TAF3: variants seen among roughly 807,000 people sequenced by gnomAD.
TAF3 encodes the protein transcription initiation factor TFIID subunit 3.
A neutral mutation model predicts 80.6 loss-of-function variants in TAF3; 7 were observed. The ratio of observed to expected loss-of-function variants is 0.09; its 90% CI spans 0.05 to 0.16. The LOEUF (loss-of-function observed/expected upper bound fraction) is 0.16, where lower values mean the gene tolerates loss of function less well. Ranked by LOEUF, TAF3 falls within the 10% of genes least tolerant of loss-of-function variation. The probability of loss-of-function intolerance (pLI) is 1.00; values close to 1 mark genes in which losing one functional copy is unlikely to be tolerated. For synonymous variants in TAF3, 444 were observed against 446.1 expected (o/e 1.00, Z 0.06); for missense variants, 921 against 1,140.2 (o/e 0.81, Z 2.77).
intron 2 of TAF3, among the ~76,000 whole-genome samples, chr10:7,960,671 G>A (rs1838181356): frequency 6.6e-6 from 1 of 152,210 alleles, no homozygotes; most frequent in African/African-American, 2.4e-5. Flanking sequence ...TGTGAATGAT[G>A]AGGTTACTTC....
intron 2 of TAF3, among the ~76,000 whole-genome samples, chr10:7,938,588 A>T (rs1371121666): frequency 6.6e-6 from 1 of 152,234 alleles, no homozygotes; most frequent in Non-Finnish European, 1.5e-5. Context: ...CTCCTTTAAC[A>T]GAGAAATAAT....
chr10:7,893,098 G>C (rs1170457636), intron 2 of TAF3, among the ~76,000 whole-genome samples: 1 of 151,992 alleles, frequency 6.6e-6, no homozygotes, highest in Non-Finnish European at 1.5e-5. Context: ...GGGATTATAG[G>C]CGTGAGCCAC....
intron 2 of TAF3, among the ~76,000 whole-genome samples, chr10:7,828,256 A>T (rs1211924792): frequency 6.6e-6 from 1 of 152,120 alleles, no homozygotes; most frequent in Non-Finnish European, 1.5e-5. Context: ...AAAAAAAGAG[A>T]CGAATCAATG....
At chr10:7,960,256 G>C (rs1417429842) in intron 2 of TAF3, among the ~76,000 whole-genome samples, 1 of 152,180 alleles carries the variant, frequency 6.6e-6, no homozygotes, top group Non-Finnish European at 1.5e-5. Context: ...ATGTTTATCT[G>C]TTGGCAGTTG....
At chr10:7,885,466 A>G (rs1019733399) in intron 2 of TAF3, among the ~76,000 whole-genome samples, 1 of 152,168 alleles carries the variant, frequency 6.6e-6, no homozygotes, top group East Asian at 1.9e-4. Flanking sequence ...CAAAAAAGGT[A>G]TATTCAGAGA....
At chr10:7,978,124 C>A (rs147892856) in intron 4 of TAF3, among the ~76,000 whole-genome samples, 21 of 152,060 alleles carry the variant, frequency 1.4e-4, no homozygotes, top group Admixed American at 8.5e-4. Flanking sequence ...AATTCTACAA[C>A]CTTACTTTTC....
chr10:7,959,947 C>G (rs1838173327), intron 2 of TAF3, among the ~76,000 whole-genome samples: 1 of 152,202 alleles, frequency 6.6e-6, no homozygotes, highest in South Asian at 2.1e-4. Context: ...TGGAGTAGAG[C>G]AGTTTCCCTC....
chr10:8,005,524 A>G (rs966348317), intron 4 of TAF3, among the ~76,000 whole-genome samples: 9 of 152,158 alleles, frequency 5.9e-5, no homozygotes, highest in African/African-American at 1.2e-4. Context: ...AGGGAGTTCT[A>G]TTACACCTTC....
At chr10:7,865,344 T>C (rs1353962683) in intron 2 of TAF3, among the ~76,000 whole-genome samples, 1 of 151,994 alleles carries the variant, frequency 6.6e-6, no homozygotes, top group Non-Finnish European at 1.5e-5. Flanking sequence ...CCAGGTATGG[T>C]GGCGGGCGCC....
intron 2 of TAF3, among the ~76,000 whole-genome samples, chr10:7,929,240 G>A (rs1436987914): frequency 7.2e-6 from 1 of 139,348 alleles, no homozygotes; most frequent in African/African-American, 2.5e-5. Context: ...ATTGAGAGAA[G>A]TAGTTTATTT....
chr10:7,935,260 G>GAGAGAGACAACGTCT (rs1431409419), intron 2 of TAF3, among the ~76,000 whole-genome samples: 1 of 150,332 alleles, frequency 6.7e-6, no homozygotes, highest in Non-Finnish European at 1.5e-5. Context: ...CTGGGCAACA[G>GAGAGAGACAACGTCT]CAAAACTCTG....
At chr10:7,873,627 C>T (rs1033128505) in intron 2 of TAF3, among the ~76,000 whole-genome samples, 1 of 148,948 alleles carries the variant, frequency 6.7e-6, no homozygotes, top group Non-Finnish European at 1.5e-5. Flanking sequence ...TCCCCCCCCC[C>T]CCGTCAAAAG....
intron 2 of TAF3, among the ~76,000 whole-genome samples, chr10:7,829,838 A>G (rs1202410061): frequency 6.6e-6 from 1 of 152,116 alleles, no homozygotes; most frequent in African/African-American, 2.4e-5. Context: ...TTGAAGGTGG[A>G]ATATCTGCAT....
In TAF3 at chr10:7,964,810, C is replaced by T; in HGVS notation, c.1300C>T (p.Pro434Ser). 6.2e-7 allele frequency: 1 copy of T among 1,614,186 alleles called. No individual in the cohort carries two copies. Among genetic ancestry groups the T allele is most frequent in the Middle Eastern group, 1.6e-4 (1 of 6,062 alleles). ...AATTTCAGGCCCGGAGTGTACTACT[C>T]CCAAAGCTTCCACTTCCGCGAACAA... The part of the protein sequence containing the change: ...KRISGPECTT[P>S]KASTSANNFT... The change falls in exon 3 of 7, where the codon CCC becomes TCC. Residue 434 changes from proline (P) to serine (S), a missense_variant. Physicochemically the swap from Pro to Ser is moderately conservative, Grantham distance 74. Transcript: ENST00000344293. This position sits in a 1 kb window ranked among gnomAD's most constrained non-coding sequence, Gnocchi z 4.1.
In TAF3 at chr10:7,974,901, C is replaced by T. The variant is rs528661367; in HGVS notation, c.2233-2340C>T. 1.9e-3 allele frequency among the ~76,000 whole-genome samples: 294 copies of T among 151,958 alleles called. 1 individual carries two copies. The highest frequency in any genetic ancestry group is 6.6e-3 in the African/African-American group (274 of 41,436). ...CCACCCTGGCCAACACGGTGAAACC[C>T]CGTCTCTACTAAAAATACAAAAATT... On this transcript the variant is annotated intron_variant, in intron 3 of 6. Coordinates refer to ENST00000344293, the MANE Select transcript of TAF3 (RefSeq NM_031923.4).
chr10:7,885,354 G>A (rs1470266803), intron 2 of TAF3, among the ~76,000 whole-genome samples: 1 of 151,914 alleles, frequency 6.6e-6, no homozygotes, highest in African/African-American at 2.4e-5. Flanking sequence ...AATATAGTTA[G>A]ATTCGTTTAT....
At chr10:7,904,808 A>G (rs1407194695) in intron 2 of TAF3, among the ~76,000 whole-genome samples, 2 of 152,002 alleles carry the variant, frequency 1.3e-5, no homozygotes, top group African/African-American at 4.8e-5. Flanking sequence ...GAAAAACTGG[A>G]AGATCTGGTG....
intron 4 of TAF3, among the ~76,000 whole-genome samples, chr10:8,006,371 C>T (rs1025257516): frequency 1.3e-5 from 2 of 150,500 alleles, no homozygotes; most frequent in African/African-American, 4.9e-5. Context: ...AGTGAAACTC[C>T]ATCTCAAAAA....
At chr10:7,896,396 A>G (rs1420592848) in intron 2 of TAF3, among the ~76,000 whole-genome samples, 10 of 152,178 alleles carry the variant, frequency 6.6e-5, no homozygotes, top group Admixed American at 6.5e-4. Flanking sequence ...AGGTCCTACG[A>G]CAAGGGAGAA....
Sources: allele counts gnomAD v4.1 joint callset (sites outside exome capture counted in the v4.1 genomes callset), GRCh38; gene constraint gnomAD v4.1.1; non-coding constraint Gnocchi (gnomAD v3.1); transcripts MANE v1.5; gene names NCBI Gene and HGNC (gene_info 2026-07-23, HGNC 2026-07-21).